SDK1: variants seen among roughly 807,000 people sequenced by gnomAD.
SDK1 encodes protein sidekick-1.
SDK1 carries 157 observed loss-of-function variants against 245.5 expected under a neutral mutation model. That is an observed-to-expected ratio of 0.64 (90% CI 0.56 to 0.73). The LOEUF (loss-of-function observed/expected upper bound fraction) is 0.73. SDK1 is among the 30% of genes least tolerant of loss of function. The pLI is 0.00. For missense variants in SDK1, 3,583 were observed against 3,002.3 expected (o/e 1.19, Z -4.52); for synonymous variants, 1,647 against 1,278.5 (o/e 1.29, Z -6.15).
intron 16 of SDK1, among the ~76,000 whole-genome samples, chr7:4,014,895 G>C (rs898861812): frequency 6.6e-6 from 1 of 152,136 alleles, no homozygotes; most frequent in Non-Finnish European, 1.5e-5. Context: ...ATGGGCCAAC[G>C]TGACTGTTCC....
Position 3,655,448 on chromosome 7 carries a change from AATATATATATATATATATATATATAT to A in SDK1, c.713+13374_713+13399del, listed in dbSNP as rs1194322286. Among the ~76,000 whole-genome samples, 547 of 66,332 alleles carry A rather than the reference AATATATATATATATATATATATATAT, an allele frequency of 8.2e-3. 14 individuals are homozygous for A. Among genetic ancestry groups the A allele is most frequent in the South Asian group, 0.043 (72 of 1,660 alleles). The allele number at this position is 66,332 out of a possible 152,430, so 43.5% of individuals were successfully genotyped here. On this transcript the variant is annotated intron_variant, in intron 4 of 44. Transcript: ENST00000404826. ...AACTGTCTAAAAACAAAACAAAACAAATATATATATATATATATATATATATATATATATATATATATATATATATA... is the reference window on the plus strand; with the variant it reads ...AACTGTCTAAAAACAAAACAAAACAAATATATATATATATATATATATATA...
At chr7:3,814,129 T>G (rs1416924842) in intron 4 of SDK1, among the ~76,000 whole-genome samples, 2 of 147,044 alleles carry the variant, frequency 1.4e-5, no homozygotes, top group Non-Finnish European at 3.0e-5. Context: ...AGATCCCATT[T>G]GTCAATTTTG....
At chr7:3,611,418 C>G (rs1781584022) in intron 1 of SDK1, among the ~76,000 whole-genome samples, 1 of 152,174 alleles carries the variant, frequency 6.6e-6, no homozygotes. Context: ...AACCAAACGA[C>G]TTACTTGGGT....
At chr7:3,580,979 A>AC (rs1360892619) in intron 1 of SDK1, among the ~76,000 whole-genome samples, 10 of 138,570 alleles carry the variant, frequency 7.2e-5, no homozygotes, top group Admixed American at 2.2e-4. Flanking sequence ...AAAAAAAAAA[A>AC]AAAAAAAAAA....
intron 44 of SDK1, among the ~76,000 whole-genome samples, chr7:4,259,596 C>T (rs572710358): frequency 6.6e-5 from 10 of 152,248 alleles, no homozygotes; most frequent in African/African-American, 1.7e-4. Flanking sequence ...CAGCGCTTGG[C>T]GACCAAACAC....
At chr7:3,341,962 G>A (rs967666511) in intron 1 of SDK1, among the ~76,000 whole-genome samples, 2 of 152,066 alleles carry the variant, frequency 1.3e-5, no homozygotes, top group African/African-American at 4.8e-5. Flanking sequence ...ATAGGCCCCA[G>A]AATAACTAAA....
intron 4 of SDK1, among the ~76,000 whole-genome samples, chr7:3,816,109 A>G (rs975732852): frequency 7.2e-6 from 1 of 139,458 alleles, no homozygotes; most frequent in African/African-American, 2.8e-5. Context: ...TGTAGAGGGA[A>G]ATTTATAGCA....
intron 1 of SDK1, among the ~76,000 whole-genome samples, chr7:3,450,349 T>C (rs545403926): frequency 2.0e-5 from 3 of 152,266 alleles, no homozygotes; most frequent in Non-Finnish European, 2.9e-5. Context: ...TGGACAAATG[T>C]GTGGATGAGG....
At chr7:4,211,504 G>A (rs936756568) in intron 38 of SDK1, among the ~76,000 whole-genome samples, 13 of 152,152 alleles carry the variant, frequency 8.5e-5, no homozygotes, top group African/African-American at 2.4e-4. Flanking sequence ...GGCGTGAAGT[G>A]GAGGAATGGG....
chr7:3,822,840 G>A (rs1481239177), intron 5 of SDK1, among the ~76,000 whole-genome samples: 2 of 152,060 alleles, frequency 1.3e-5, no homozygotes, highest in African/African-American at 4.8e-5. Flanking sequence ...GCCCTCGAGG[G>A]GTACAATTGC....
chr7:3,616,756 A>G (rs1020022875), intron 1 of SDK1, among the ~76,000 whole-genome samples: 9 of 152,210 alleles, frequency 5.9e-5, no homozygotes, highest in Admixed American at 3.9e-4. Flanking sequence ...TAAATTCTAT[A>G]TATTCAGTTT....
At chr7:4,263,334 A>G (rs1164145600) in intron 44 of SDK1, among the ~76,000 whole-genome samples, 1 of 150,990 alleles carries the variant, frequency 6.6e-6, no homozygotes, top group Non-Finnish European at 1.5e-5. Context: ...AGGGGCAGGC[A>G]GAGTCCCCTG....
At chr7:3,621,400 C>T (rs1781934017) in intron 2 of SDK1, among the ~76,000 whole-genome samples, 1 of 152,098 alleles carries the variant, frequency 6.6e-6, no homozygotes, top group Non-Finnish European at 1.5e-5. Context: ...TGAGAGTTCT[C>T]TTAAAAATTA....
intron 2 of SDK1, among the ~76,000 whole-genome samples, chr7:3,634,609 T>A (rs540947426): frequency 1.3e-5 from 2 of 152,198 alleles, no homozygotes; most frequent in African/African-American, 4.8e-5. Flanking sequence ...TACTTTCTTA[T>A]AAAGAGCCAG....
intron 32 of SDK1, among the ~76,000 whole-genome samples, chr7:4,167,963 C>A (rs542858939): frequency 6.9e-4 from 105 of 152,356 alleles, no homozygotes; most frequent in African/African-American, 2.5e-3. Flanking sequence ...TGGAGCCGCC[C>A]TGCTGATGCC....
intron 16 of SDK1, among the ~76,000 whole-genome samples, chr7:4,013,581 G>A (rs901699219): frequency 2.0e-5 from 3 of 152,212 alleles, no homozygotes; most frequent in Admixed American, 2.0e-4. Context: ...TGTATGAAGG[G>A]CAACGCCTTC....
chr7:3,808,985 G>A (rs6977475), intron 4 of SDK1, among the ~76,000 whole-genome samples: 28,483 of 152,112 alleles, frequency 0.19, 2,928 homozygotes, highest in Middle Eastern at 0.34. Context: ...TGAGGATCCA[G>A]CATCACCAAG....
At chr7:3,345,240 A>G (rs539458897) in intron 1 of SDK1, among the ~76,000 whole-genome samples, 10 of 152,278 alleles carry the variant, frequency 6.6e-5, no homozygotes, top group South Asian at 4.1e-4. Flanking sequence ...GCTGATACCT[A>G]TTTCCTGGTT....
chr7:3,620,994 C>T (rs1156339734), intron 2 of SDK1, among the ~76,000 whole-genome samples: 2 of 152,110 alleles, frequency 1.3e-5, no homozygotes, highest in East Asian at 3.9e-4. Context: ...TCCACCACAC[C>T]TGAGCAATGG....
Sources: allele counts gnomAD v4.1 joint callset (sites outside exome capture counted in the v4.1 genomes callset), GRCh38; gene constraint gnomAD v4.1.1; transcripts MANE v1.5; gene names NCBI Gene and HGNC (gene_info 2026-07-23, HGNC 2026-07-21).